The following CUL3 variants were observed in gnomAD, a reference collection of about 807,000 sequenced individuals.
The protein encoded by CUL3 is cullin-3.
Under a neutral mutation model 89.1 loss-of-function variants are expected in CUL3, and 19 were observed. The ratio of observed to expected loss-of-function variants is 0.21; its 90% CI spans 0.15 to 0.31. CUL3 has a LOEUF of 0.31. CUL3 is among the 10% of genes least tolerant of loss of function. The probability of loss-of-function intolerance (pLI) is 1.00; values close to 1 mark genes in which losing one functional copy is unlikely to be tolerated. For synonymous variants in CUL3, 351 were observed against 308.4 expected, an observed-to-expected ratio of 1.14 and a Z score of -1.45; for missense variants, 469 against 942.3, an observed-to-expected ratio of 0.50 and a Z score of 6.58.
At chr2:224,557,897 A>AAAAAAAAAAAAAAC in intron 1 of CUL3, 41 bp from the exon 2 acceptor site, 2 of 1,148,618 alleles carry the variant, frequency 1.7e-6, no homozygotes, top group South Asian at 1.4e-5. Context: ...AAAAAAAAAA[A>AAAAAAAAAAAAAAC]AAAAAAAACC....
rs1045397075 is a variant in CUL3 at position 224,513,725 on chromosome 2, C to A, written c.540-87G>T. 18 of 895,624 alleles carry A rather than the reference C, an allele frequency of 2.0e-5. No homozygotes were observed. In the African/African-American group the frequency reaches 2.9e-4, roughly 14 times the overall value. The allele number at this position is 895,624 out of a possible 1,614,324, so 55.5% of individuals were successfully genotyped here. A position where few individuals can be genotyped will look rare whatever the true frequency, so the allele number is the denominator to read the frequency against. ...TACAAAAAGGAGTAGGTAAAAATATCTTCAGGACATTTAACTCTTACTGAA... is the reference window on the plus strand; with the variant it reads ...TACAAAAAGGAGTAGGTAAAAATATATTCAGGACATTTAACTCTTACTGAA... On this transcript the variant is annotated intron_variant, in intron 4 of 15. Transcript: ENST00000264414.
intron 2 of CUL3, among the ~76,000 whole-genome samples, chr2:224,545,455 G>GCA (rs1359008945): frequency 3.9e-5 from 6 of 152,030 alleles, no homozygotes; most frequent in Non-Finnish European, 8.8e-5. Flanking sequence ...TTCACAAAAA[G>GCA]CACACTATTC....
chr2:224,505,420 A>C (rs1038966100), intron 8 of CUL3, among the ~76,000 whole-genome samples: 5 of 152,098 alleles, frequency 3.3e-5, no homozygotes, highest in Admixed American at 3.3e-4. Context: ...TACAGGCATG[A>C]GCCACCATAC....
intron 2 of CUL3, among the ~76,000 whole-genome samples, chr2:224,536,620 A>G (rs1030842007): frequency 3.9e-5 from 6 of 152,166 alleles, no homozygotes; most frequent in Non-Finnish European, 8.8e-5. Flanking sequence ...CACCTCCAAC[A>G]TAAGCACTTT....
intron 3 of CUL3, among the ~76,000 whole-genome samples, chr2:224,528,287 G>A (rs1245741233): frequency 6.6e-6 from 1 of 152,094 alleles, no homozygotes; most frequent in Non-Finnish European, 1.5e-5. Context: ...TCTTTGACTA[G>A]TGCCCCCGCC....
In CUL3 at chr2:224,492,791, G is replaced by A. The variant is rs185134904; in HGVS notation, c.1842+3041C>T. Reference sequence around the variant, plus strand: ...ATCTTGTGTGGTCCTCTCACTATCAGGGCTGACTTGGGCAACCAAGAAAAT... The same window carrying A: ...ATCTTGTGTGGTCCTCTCACTATCAAGGCTGACTTGGGCAACCAAGAAAAT... On this transcript the variant is annotated intron_variant, in intron 13 of 15. Coordinates refer to ENST00000264414, the MANE Select transcript of CUL3 (RefSeq NM_003590.5). 4.6e-5 allele frequency among the ~76,000 whole-genome samples: 7 copies of A among 152,274 alleles called. No homozygotes were observed. In the East Asian group the frequency reaches 1.2e-3, roughly 25 times the overall value.
chr2:224,585,011 G>A lies in CUL3; in HGVS notation c.-2C>T. 6.7e-7 allele frequency: 1 copy of A among 1,498,414 alleles called. No homozygotes were observed. Among genetic ancestry groups the A allele is most frequent in the African/African-American group, 1.5e-5 (1 of 68,708 alleles). 92.8% of individuals were successfully genotyped at this position (1,498,414 alleles called of 1,614,324 possible). On this transcript the variant is annotated 5_prime_UTR_variant, in exon 1 of 16. Coordinates refer to ENST00000264414, the MANE Select transcript of CUL3 (RefSeq NM_003590.5). Reference sequence around the variant, plus strand: ...CGTGCCTTTGCTCAGATTCGACATGGTGCTCGTCCCCTCCCCGGCGGCGGC... The same window carrying A: ...CGTGCCTTTGCTCAGATTCGACATGATGCTCGTCCCCTCCCCGGCGGCGGC...
chr2:224,502,919 A>G, intron 10 of CUL3, 46 bp downstream of exon 10: 1 of 1,368,244 alleles, frequency 7.3e-7, no homozygotes, highest in African/African-American at 1.4e-5. Flanking sequence ...CCCATTACAA[A>G]AGACTTTACA....
chr2:224,572,793 C>T (rs948459285), intron 1 of CUL3, among the ~76,000 whole-genome samples: 2 of 152,122 alleles, frequency 1.3e-5, no homozygotes, highest in Non-Finnish European at 2.9e-5. Context: ...GATTCGTCCC[C>T]ACCAAAGAAT....
intron 10 of CUL3, among the ~76,000 whole-genome samples, chr2:224,502,421 T>A (rs1367452435): frequency 6.6e-6 from 1 of 152,238 alleles, no homozygotes; most frequent in African/African-American, 2.4e-5. Context: ...AAGTTCCAGC[T>A]CACCACCTTT....
At chr2:224,552,028 T>C (rs1433109175) in intron 2 of CUL3, among the ~76,000 whole-genome samples, 2 of 152,220 alleles carry the variant, frequency 1.3e-5, no homozygotes, top group East Asian at 1.9e-4. Flanking sequence ...ATCTGTTTCA[T>C]AAGTGCAGGA....
At chr2:224,551,777 A>T (rs537240326) in intron 2 of CUL3, among the ~76,000 whole-genome samples, 1 of 152,336 alleles carries the variant, frequency 6.6e-6, no homozygotes, top group South Asian at 2.1e-4. Context: ...TCAGAAAAAC[A>T]AAAATACTGA....
rs2106197649 is a variant in CUL3, at chr2:224,503,810, C to A, written c.1219G>T (p.Glu407Ter). The A allele has an allele frequency of 6.4e-7, 1 of 1,558,340 alleles. No individual in the cohort carries two copies. The highest frequency in any genetic ancestry group is 8.6e-7 in the Non-Finnish European group (1 of 1,157,114). ...GCTTTATCCAATATTGTTTCTACTT[C>A]TTGTTCTGTTAGCTGCAAAATTAAG... is the stretch of plus-strand genomic sequence containing the variant. ...KKGVKGLTEQEVETILDKAMV... is the reference protein window; with the variant it reads ...KKGVKGLTEQ Residue 407 changes from glutamate (E) to a stop codon, truncating the protein, a stop_gained, in exon 9 of 16, where the codon GAA becomes TAA. Transcript: ENST00000264414. LOFTEE classifies it high-confidence loss of function.
At chr2:224,577,072 A>C (rs555145522) in intron 1 of CUL3, among the ~76,000 whole-genome samples, 1 of 152,254 alleles carries the variant, frequency 6.6e-6, no homozygotes, top group East Asian at 1.9e-4. Flanking sequence ...CATTCGATGT[A>C]ACTGCTTGCA....
At chr2:224,493,675 T>C (rs548602757) in intron 13 of CUL3, among the ~76,000 whole-genome samples, 1 of 152,332 alleles carries the variant, frequency 6.6e-6, no homozygotes, top group East Asian at 1.9e-4. Context: ...AAAAAATGAA[T>C]TCGTATTTTT....
intron 2 of CUL3, among the ~76,000 whole-genome samples, chr2:224,547,164 T>C (rs1489396219): frequency 6.6e-6 from 1 of 152,162 alleles, no homozygotes; most frequent in East Asian, 1.9e-4. Flanking sequence ...TCTTCTCCAC[T>C]GCAGTCAGCC....
At chr2:224,560,558 T>C (rs1366039741) in intron 1 of CUL3, 1 of 153,078 alleles carries the variant, frequency 6.5e-6, no homozygotes, top group Non-Finnish European at 1.5e-5. Flanking sequence ...CTTGTGATCA[T>C]AATTAACTAC....
intron 3 of CUL3, among the ~76,000 whole-genome samples, chr2:224,515,623 G>A (rs922963151): frequency 1.3e-5 from 2 of 151,868 alleles, no homozygotes; most frequent in Admixed American, 6.6e-5. Context: ...TATAGCTAAC[G>A]ATAAGGTGAA....
intron 1 of CUL3, among the ~76,000 whole-genome samples, chr2:224,574,561 TG>T (rs1695257450): frequency 6.6e-6 from 1 of 152,216 alleles, no homozygotes; most frequent in Non-Finnish European, 1.5e-5. Context: ...ACACAGGAGC[TG>T]CTCTCAAGGA....
Sources: allele counts gnomAD v4.1 joint callset (sites outside exome capture counted in the v4.1 genomes callset), GRCh38; gene constraint gnomAD v4.1.1; transcripts MANE v1.5; gene names NCBI Gene and HGNC (gene_info 2026-07-23, HGNC 2026-07-21).